ARID4B: variants seen among roughly 807,000 people sequenced by gnomAD.
The protein encoded by ARID4B is AT-rich interaction domain 4B.
Under a neutral mutation model 147.5 loss-of-function variants are expected in ARID4B, and 26 were observed. The observed-to-expected ratio is 0.18, with a 90% confidence interval of 0.13 to 0.24. The LOEUF (loss-of-function observed/expected upper bound fraction) is 0.24, where lower values mean the gene tolerates loss of function less well. Ranked by LOEUF, ARID4B falls within the 10% of genes least tolerant of loss-of-function variation. The pLI is 1.00. For missense variants in ARID4B, 1,179 were observed against 1,511.5 expected (o/e 0.78, Z 3.65); for synonymous variants, 512 against 507.9 (o/e 1.01, Z -0.11).
chr1:235,167,978 T>G lies in ARID4B; in HGVS notation c.*547A>C, dbSNP rs1216568992. On this transcript the variant is annotated 3_prime_UTR_variant, in exon 24 of 24. Transcript: ENST00000264183. ...TTAAAGAGAATCTTTAATATTTGGT[T>G]ACCAGGATTGATGTCTAATATCCTG... 2 of 196,950 alleles carry G rather than the reference T, an allele frequency of 1.0e-5. No homozygotes were observed. Among genetic ancestry groups the G allele is most frequent in the Non-Finnish European group, 2.1e-5 (2 of 94,756 alleles). 12.2% of individuals were successfully genotyped at this position (196,950 alleles called of 1,614,324 possible). A position where few individuals can be genotyped will look rare whatever the true frequency, so the allele number is the denominator to read the frequency against.
At chr1:235,191,792 G>A (rs983001233) in intron 19 of ARID4B, among the ~76,000 whole-genome samples, 2 of 152,150 alleles carry the variant, frequency 1.3e-5, no homozygotes, top group Non-Finnish European at 2.9e-5. Context: ...TAAAAAACAG[G>A]CTGGGTGCAG....
chr1:235,171,180 C>T (rs948280372), intron 23 of ARID4B, among the ~76,000 whole-genome samples: 1 of 151,902 alleles, frequency 6.6e-6, no homozygotes, highest in African/African-American at 2.4e-5. Flanking sequence ...GCCTGTAATC[C>T]CAGCACTTTG....
chr1:235,235,569 G>A (rs540380337), intron 8 of ARID4B, among the ~76,000 whole-genome samples: 2 of 152,284 alleles, frequency 1.3e-5, no homozygotes, highest in African/African-American at 4.8e-5. Context: ...ATTCACCCAT[G>A]TATGTTATTT....
chr1:235,208,075 A>G (rs927033558), intron 17 of ARID4B, among the ~76,000 whole-genome samples: 1 of 152,178 alleles, frequency 6.6e-6, no homozygotes, highest in Non-Finnish European at 1.5e-5. Context: ...TAAATTTGCA[A>G]CTCTTTGATT....
intron 12 of ARID4B, among the ~76,000 whole-genome samples, chr1:235,223,545 A>AT (rs1297761958): frequency 2.0e-5 from 3 of 150,276 alleles, no homozygotes; most frequent in Non-Finnish European, 4.4e-5. Context: ...GAAACCTTTT[A>AT]TTTTCATTCT....
chr1:235,248,430 T>C (rs534970257), intron 6 of ARID4B, among the ~76,000 whole-genome samples: 6 of 152,306 alleles, frequency 3.9e-5, no homozygotes, highest in African/African-American at 1.4e-4. Context: ...GGTAATACTG[T>C]ATCACTATAG....
intron 2 of ARID4B, among the ~76,000 whole-genome samples, chr1:235,283,926 G>A (rs1439975114): frequency 2.0e-5 from 3 of 151,840 alleles, no homozygotes; most frequent in Non-Finnish European, 2.9e-5. Flanking sequence ...TAGTAGAGAC[G>A]GGGTTTCGAT....
At chr1:235,175,545 A>G (rs1663805133) in intron 21 of ARID4B, 146 bp from the exon 22 acceptor site, 3 of 650,778 alleles carry the variant, frequency 4.6e-6, no homozygotes, top group Non-Finnish European at 7.8e-6. Context: ...ATACAAATGC[A>G]GCAGCATCTT....
intron 1 of ARID4B, 32 bp from the exon 2 acceptor site, chr1:235,327,000 A>G: frequency 1.4e-6 from 2 of 1,449,934 alleles, no homozygotes; most frequent in Admixed American, 1.7e-5. Flanking sequence ...CCCAGTCAAC[A>G]CCACAGGAGC....
chr1:235,293,175 A>G (rs1373764582), intron 2 of ARID4B, among the ~76,000 whole-genome samples: 1 of 152,224 alleles, frequency 6.6e-6, no homozygotes, highest in East Asian at 1.9e-4. Context: ...CTCAGTACCG[A>G]AGCGCAGTAA....
At chr1:235,174,274 C>G (rs190358196) in intron 22 of ARID4B, among the ~76,000 whole-genome samples, 1 of 151,790 alleles carries the variant, frequency 6.6e-6, no homozygotes, top group South Asian at 2.1e-4. Flanking sequence ...CTCCTGACCT[C>G]GTGATCCACC....
chr1:235,238,860 A>G (rs1002849545), intron 8 of ARID4B, among the ~76,000 whole-genome samples: 70 of 146,172 alleles, frequency 4.8e-4, no homozygotes, highest in Admixed American at 1.2e-3. Context: ...GTCTCCGGGG[A>G]AAAAAAAAAA....
chr1:235,170,212 G>A (rs1332839138), intron 23 of ARID4B, among the ~76,000 whole-genome samples: 1 of 152,088 alleles, frequency 6.6e-6, no homozygotes. Context: ...AAGAAAAATT[G>A]TACTGGAACA....
intron 23 of ARID4B, 68 bp from the exon 24 acceptor site, chr1:235,168,720 T>A: frequency 6.6e-7 from 1 of 1,511,908 alleles, no homozygotes; most frequent in Middle Eastern, 2.0e-4. Context: ...CAGAAAATAC[T>A]AGTCCTCTGA....
chr1:235,205,483 C>T (rs932389929), intron 17 of ARID4B, among the ~76,000 whole-genome samples: 1 of 151,940 alleles, frequency 6.6e-6, no homozygotes, highest in Non-Finnish European at 1.5e-5. Context: ...CAGATTAGAA[C>T]AACAATGTAA....
intron 7 of ARID4B, among the ~76,000 whole-genome samples, chr1:235,241,867 G>C (rs979551639): frequency 1.3e-5 from 2 of 152,014 alleles, no homozygotes; most frequent in African/African-American, 4.8e-5. Flanking sequence ...GTGACATGGG[G>C]AATACCACCC....
At chr1:235,255,928 C>T (rs755947194) in intron 4 of ARID4B, among the ~76,000 whole-genome samples, 178 bp from the exon 5 acceptor site, 4 of 152,078 alleles carry the variant, frequency 2.6e-5, no homozygotes, top group Non-Finnish European at 5.9e-5. Context: ...AATCCCAGCA[C>T]TTTGAGGGGC....
chr1:235,168,630 G>A lies in ARID4B; in HGVS notation c.3834C>T (p.Ser1278=), dbSNP rs777964517. The A allele has an allele frequency of 1.2e-6, 2 of 1,614,014 alleles. No homozygotes were observed. The highest frequency in any genetic ancestry group is 2.2e-5 in the South Asian group (2 of 91,072). The part of the protein sequence containing the change: ...ERESAATSSS[S]SSPSSSSITA... ...TTATGGAACTGGATGAAGGTGAAGA[G>A]GAGGATGAGGATGTAGCAGCACCTA... The change falls in exon 24 of 24, where the codon TCC becomes TCT. Residue 1278 remains serine, a synonymous_variant. Transcript: ENST00000264183.
At chr1:235,216,224 C>G (rs1212563797) in intron 16 of ARID4B, among the ~76,000 whole-genome samples, 1 of 151,814 alleles carries the variant, frequency 6.6e-6, no homozygotes, top group Non-Finnish European at 1.5e-5. Context: ...ATTTTAAAGA[C>G]TCAGTTACAG....
Sources: allele counts gnomAD v4.1 joint callset (sites outside exome capture counted in the v4.1 genomes callset), GRCh38; gene constraint gnomAD v4.1.1; transcripts MANE v1.5; gene names NCBI Gene and HGNC (gene_info 2026-07-23, HGNC 2026-07-21).